The following CDH18 variants were observed in gnomAD, a reference collection of about 807,000 sequenced individuals.
CDH18 encodes cadherin 18.
Under a neutral mutation model 67.9 loss-of-function variants are expected in CDH18, and 31 were observed. The ratio of observed to expected loss-of-function variants is 0.46; its 90% CI spans 0.34 to 0.62. The LOEUF (loss-of-function observed/expected upper bound fraction) is 0.62. Ranked by LOEUF, CDH18 falls within the 20% of genes least tolerant of loss-of-function variation. CDH18 has a pLI of 0.01. For missense variants in CDH18, 890 were observed against 975.5 expected (o/e 0.91, Z 1.17); for synonymous variants, 362 against 347.2 (o/e 1.04, Z -0.48).
chr5:20,325,122 C>T lies in CDH18; in HGVS notation c.-579-69617G>A, dbSNP rs185371654. 1.1e-4 allele frequency among the ~76,000 whole-genome samples: 16 copies of T among 152,274 alleles called. No homozygotes were observed. The East Asian group carries it at 2.9e-3, about 28-fold the overall frequency. On this transcript the variant is annotated intron_variant, in intron 1 of 14. Coordinates refer to the CDH18 transcript ENST00000507958. Reference sequence around the variant, plus strand: ...TAAGGTTTGTAAAGTTTCTAGTTCCCCGTTGGCAATGATCAGACATTGAAA... The same window carrying T: ...TAAGGTTTGTAAAGTTTCTAGTTCCTCGTTGGCAATGATCAGACATTGAAA...
intron 5 of CDH18, among the ~76,000 whole-genome samples, chr5:19,705,692 T>C (rs144911726): frequency 6.6e-6 from 1 of 152,306 alleles, no homozygotes; most frequent in East Asian, 1.9e-4. Context: ...GACTCCTTAT[T>C]TGGATCAAAT....
chr5:20,045,570 A>T (rs1305824199), intron 2 of CDH18, among the ~76,000 whole-genome samples: 1 of 149,416 alleles, frequency 6.7e-6, no homozygotes, highest in African/African-American at 2.5e-5. Flanking sequence ...ATGCAAAAAT[A>T]GAAAACACAT....
At chr5:19,683,209 T>A (rs148185265) in intron 5 of CDH18, among the ~76,000 whole-genome samples, 1 of 152,062 alleles carries the variant, frequency 6.6e-6, no homozygotes, top group Non-Finnish European at 1.5e-5. Flanking sequence ...TAATCTGACA[T>A]TGTTGCTTAA....
Position 19,807,737 on chromosome 5 carries a change from T to G in CDH18, c.228+31022A>C, listed in dbSNP as rs1376294105. ...TTTGGCCCTGATTGGCTCATTTTCATTTTTAGATATCAGCCTGATTATTCC... is the reference window on the plus strand; with the variant it reads ...TTTGGCCCTGATTGGCTCATTTTCAGTTTTAGATATCAGCCTGATTATTCC... On this transcript the variant is annotated intron_variant, in intron 3 of 12. Transcript: ENST00000382275. 2.0e-5 allele frequency among the ~76,000 whole-genome samples: 3 copies of G among 152,326 alleles called. No homozygotes were observed. The East Asian group carries it at 5.8e-4, about 29-fold the overall frequency.
intron 1 of CDH18, among the ~76,000 whole-genome samples, chr5:20,385,545 G>A (rs763881728): frequency 6.6e-6 from 1 of 152,188 alleles, no homozygotes; most frequent in Non-Finnish European, 1.5e-5. Context: ...GCAACCAAAT[G>A]TGTTTCTAGT....
At chr5:20,333,539 A>G (rs984639445) in intron 1 of CDH18, among the ~76,000 whole-genome samples, 160 of 146,898 alleles carry the variant, frequency 1.1e-3, no homozygotes, top group African/African-American at 3.7e-3. Flanking sequence ...ACACACACAC[A>G]CACACACACA....
At chr5:19,900,821 G>A (rs1789867324) in intron 2 of CDH18, among the ~76,000 whole-genome samples, 1 of 152,134 alleles carries the variant, frequency 6.6e-6, no homozygotes, top group South Asian at 2.1e-4. Context: ...GATTTTATAA[G>A]CTATTATGTT....
chr5:20,187,335 T>A (rs1738179607), intron 2 of CDH18, among the ~76,000 whole-genome samples: 1 of 151,798 alleles, frequency 6.6e-6, no homozygotes, highest in Non-Finnish European at 1.5e-5. Flanking sequence ...GGCAAAAAAA[T>A]GTGTTAGCAA....
At chr5:20,117,898 CTAGTTTTG>C (rs1293416285) in intron 2 of CDH18, among the ~76,000 whole-genome samples, 2 of 152,092 alleles carry the variant, frequency 1.3e-5, no homozygotes, top group East Asian at 3.9e-4. Flanking sequence ...TTTTTTCCTG[CTAGTTTTG>C]AATTTTAATT....
intron 2 of CDH18, among the ~76,000 whole-genome samples, chr5:19,904,932 G>C (rs1259230523): frequency 6.6e-6 from 1 of 152,112 alleles, no homozygotes; most frequent in Non-Finnish European, 1.5e-5. Flanking sequence ...ACAAAACAGA[G>C]TACAGTCTTA....
chr5:20,243,738 A>G (rs575504282), intron 2 of CDH18, among the ~76,000 whole-genome samples: 5 of 152,264 alleles, frequency 3.3e-5, no homozygotes, highest in Non-Finnish European at 7.4e-5. Flanking sequence ...AGCATAACTC[A>G]TAAATGAAAA....
intron 3 of CDH18, among the ~76,000 whole-genome samples, chr5:19,786,778 C>A (rs1775824824): frequency 6.6e-6 from 1 of 152,090 alleles, no homozygotes; most frequent in South Asian, 2.1e-4. Flanking sequence ...TAGGTTACCA[C>A]CAGAAAGCCA....
chr5:19,817,026 A>G (rs1779362111), intron 3 of CDH18, among the ~76,000 whole-genome samples: 1 of 151,906 alleles, frequency 6.6e-6, no homozygotes, highest in Non-Finnish European at 1.5e-5. Context: ...AGGGCTGATA[A>G]GTTAAACAGA....
chr5:20,494,448 T>C (rs1753790564), intron 1 of CDH18, among the ~76,000 whole-genome samples: 1 of 152,112 alleles, frequency 6.6e-6, no homozygotes, highest in Non-Finnish European at 1.5e-5. Context: ...TACATGACTG[T>C]ACAGGAATTT....
chr5:20,362,325 A>G (rs1742152414), intron 1 of CDH18, among the ~76,000 whole-genome samples: 1 of 152,124 alleles, frequency 6.6e-6, no homozygotes, highest in South Asian at 2.1e-4. Context: ...TTAGATGATA[A>G]ATTAATAAGG....
chr5:20,387,995 C>T (rs1253729773), intron 1 of CDH18, among the ~76,000 whole-genome samples: 3 of 151,958 alleles, frequency 2.0e-5, no homozygotes, highest in East Asian at 1.9e-4. Context: ...ATTTTTGCAT[C>T]GATGTTCATC....
intron 5 of CDH18, among the ~76,000 whole-genome samples, chr5:19,689,763 C>T (rs1761599159): frequency 6.6e-6 from 1 of 151,766 alleles, no homozygotes; most frequent in African/African-American, 2.4e-5. Flanking sequence ...AATAAGTCCT[C>T]AAATATCAAT....
In CDH18 at chr5:19,719,903, G is replaced by GAGAAAGAAAGAAAGAAAGAA. The variant is rs35867851; in HGVS notation, c.643+1424_643+1443dup. Among the ~76,000 whole-genome samples the GAGAAAGAAAGAAAGAAAGAA allele has an allele frequency of 7.5e-3, 979 of 130,930 alleles. 6 individuals are homozygous for GAGAAAGAAAGAAAGAAAGAA. Among genetic ancestry groups the GAGAAAGAAAGAAAGAAAGAA allele is most frequent in the East Asian group, 9.0e-3 (40 of 4,458 alleles). 85.9% of individuals were successfully genotyped at this position (130,930 alleles called of 152,430 possible). On this transcript the variant is annotated intron_variant, in intron 5 of 12. Transcript: ENST00000382275. Reference sequence around the variant, plus strand: ...GAGAAAGAAAGAAAGAGTTAAGCAAGAGAAAGAAAGAAAGAAAGAAAGAAA... The same window carrying GAGAAAGAAAGAAAGAAAGAA: ...GAGAAAGAAAGAAAGAGTTAAGCAAGAGAAAGAAAGAAAGAAAGAAAGAAAGAAAGAAAGAAAGAAAGAAA...
intron 3 of CDH18, among the ~76,000 whole-genome samples, chr5:19,789,373 T>C (rs1276951231): frequency 6.6e-6 from 1 of 152,200 alleles, no homozygotes; most frequent in East Asian, 1.9e-4. Context: ...GCCTTGCATA[T>C]GATAATTACT....
Sources: gnomAD v4.1 joint callset for allele counts (sites outside exome capture counted in the v4.1 genomes callset) on GRCh38, gnomAD v4.1.1 for gene constraint, MANE v1.5 for transcripts, NCBI Gene and HGNC (gene_info 2026-07-23, HGNC 2026-07-21) for gene names.